Variants in ZNF804B observed in about 807,000 individuals in gnomAD.
ZNF804B encodes the protein zinc finger 804B.
ZNF804B carries 80 observed loss-of-function variants against 101.4 expected under a neutral mutation model. The observed-to-expected ratio is 0.79, with a 90% CI of 0.66 to 0.95. ZNF804B has a LOEUF of 0.95. Among genes scored for constraint, ZNF804B ranks in the 40% least tolerant of loss-of-function variants. The pLI, the probability that ZNF804B is intolerant of heterozygous loss-of-function variation, is 0.00. For missense variants in ZNF804B, 1,673 were observed against 1,561.9 expected (o/e 1.07, Z -1.20); for synonymous variants, 622 against 558.8 (o/e 1.11, Z -1.59).
At chr7:89,022,972 T>G (rs1247145897) in intron 1 of ZNF804B, among the ~76,000 whole-genome samples, 1 of 152,182 alleles carries the variant, frequency 6.6e-6, no homozygotes, top group Non-Finnish European at 1.5e-5. Flanking sequence ...AAAAATAACT[T>G]TCACAGGATT....
chr7:88,998,291 C>A (rs1299474380), intron 1 of ZNF804B, among the ~76,000 whole-genome samples: 1 of 151,996 alleles, frequency 6.6e-6, no homozygotes, highest in Non-Finnish European at 1.5e-5. Context: ...GGGAAGATAT[C>A]TTAAACTGAG....
At chr7:88,997,216 A>C (rs138191514) in intron 1 of ZNF804B, among the ~76,000 whole-genome samples, 23 of 152,162 alleles carry the variant, frequency 1.5e-4, no homozygotes, top group Admixed American at 3.3e-4. Context: ...CATTAAGTTA[A>C]CATCTTTTTT....
intron 1 of ZNF804B, among the ~76,000 whole-genome samples, chr7:89,194,945 G>A (rs184257412): frequency 0.044 from 6,767 of 152,190 alleles, 167 homozygotes; most frequent in African/African-American, 0.061. Flanking sequence ...CTACCCATGA[G>A]CATGGAATGT....
At chr7:89,263,517 G>A (rs1367208986) in intron 2 of ZNF804B, among the ~76,000 whole-genome samples, 2 of 151,836 alleles carry the variant, frequency 1.3e-5, no homozygotes, top group African/African-American at 4.8e-5. Flanking sequence ...ATTCAAGTCT[G>A]CTATGTTGAA....
At chr7:89,074,664 A>G (rs1176751307) in intron 1 of ZNF804B, among the ~76,000 whole-genome samples, 1 of 152,194 alleles carries the variant, frequency 6.6e-6, no homozygotes, top group Non-Finnish European at 1.5e-5. Context: ...AATTGGTACC[A>G]GTAGAGTGGG....
At chr7:89,261,342 A>T (rs926702857) in intron 2 of ZNF804B, among the ~76,000 whole-genome samples, 2 of 152,156 alleles carry the variant, frequency 1.3e-5, no homozygotes, top group African/African-American at 2.4e-5. Context: ...GTGCAACATG[A>T]CATACCTTTT....
chr7:88,778,249 C>T (rs1018415380), intron 1 of ZNF804B, among the ~76,000 whole-genome samples: 5 of 152,160 alleles, frequency 3.3e-5, no homozygotes, highest in Non-Finnish European at 5.9e-5. Flanking sequence ...CTAGAAACTT[C>T]CTCTCATGCT....
At chr7:89,010,642 A>G (rs966967796) in intron 1 of ZNF804B, among the ~76,000 whole-genome samples, 10 of 152,112 alleles carry the variant, frequency 6.6e-5, no homozygotes, top group Non-Finnish European at 1.5e-4. Flanking sequence ...TTTCTGTATT[A>G]TTTACTTTGT....
intron 1 of ZNF804B, among the ~76,000 whole-genome samples, chr7:89,170,810 A>G (rs892831775): frequency 4.6e-5 from 7 of 152,218 alleles, no homozygotes; most frequent in African/African-American, 1.7e-4. Flanking sequence ...CACCAGCAGC[A>G]CACTGCCAAT....
rs767843129 is a variant in ZNF804B at position 88,778,709 on chromosome 7, C to T, written c.108+18625C>T. Among the ~76,000 whole-genome samples, 4 of 152,234 alleles carry T rather than the reference C, an allele frequency of 2.6e-5. No homozygotes were observed. In the East Asian group the frequency reaches 7.7e-4, roughly 29 times the overall value. ...ATTCCTAAATATATCTCCAATCTAC[C>T]CCTACCCTGCACTTCTCTTACCACT... On this transcript the variant is annotated intron_variant, in intron 1 of 3. Transcript: ENST00000333190.
chr7:88,932,200 G>T (rs1792897889), intron 1 of ZNF804B, among the ~76,000 whole-genome samples: 1 of 151,750 alleles, frequency 6.6e-6, no homozygotes, highest in Non-Finnish European at 1.5e-5. Flanking sequence ...ACTTGGCAAG[G>T]TCTGTGCATT....
At chr7:88,856,789 C>CTAGTTTAT (rs1416454324) in intron 1 of ZNF804B, among the ~76,000 whole-genome samples, 1 of 152,070 alleles carries the variant, frequency 6.6e-6, no homozygotes, top group Non-Finnish European at 1.5e-5. Context: ...CCATCAATAC[C>CTAGTTTAT]TAGTTTATTG....
intron 1 of ZNF804B, among the ~76,000 whole-genome samples, chr7:89,038,047 A>G (rs574595385): frequency 1.1e-3 from 164 of 152,290 alleles, no homozygotes; most frequent in Middle Eastern, 3.4e-3. Flanking sequence ...ACACACATGC[A>G]TATCATATTT....
At chr7:88,964,226 C>T (rs1439076883) in intron 1 of ZNF804B, among the ~76,000 whole-genome samples, 2 of 151,364 alleles carry the variant, frequency 1.3e-5, no homozygotes, top group Non-Finnish European at 3.0e-5. Flanking sequence ...GATATTTTTA[C>T]ACCAATTTTC....
chr7:88,832,880 C>G (rs913075317), intron 1 of ZNF804B, among the ~76,000 whole-genome samples: 1 of 151,800 alleles, frequency 6.6e-6, no homozygotes, highest in African/African-American at 2.4e-5. Flanking sequence ...GGCCTGATAG[C>G]CACATTGAAA....
At chr7:89,129,435 C>T (rs954222441) in intron 1 of ZNF804B, among the ~76,000 whole-genome samples, 45 of 151,860 alleles carry the variant, frequency 3.0e-4, no homozygotes, top group African/African-American at 1.1e-3. Context: ...ATTTGGGAAG[C>T]CAGGAAGAAA....
rs1791053038 is a variant in ZNF804B at position 89,334,972 on chromosome 7, G to A, written c.1990G>A (p.Gly664Arg). 1 of 1,613,902 alleles carries A rather than the reference G, an allele frequency of 6.2e-7. No homozygotes were observed. Among genetic ancestry groups the A allele is most frequent in the Non-Finnish European group, 8.5e-7 (1 of 1,179,888 alleles). The change falls in exon 4 of 4, where the codon GGG becomes AGG. Residue 664 changes from glycine to arginine, a missense_variant. Transcript: ENST00000333190. The part of the protein sequence containing the change: ...FNCKSSPCTV[G>R]GHSDHGKDFS... The stretch of plus-strand genomic sequence containing the variant: ...CTGCAAGTCCAGTCCTTGTACAGTA[G>A]GGGGTCACAGTGACCATGGGAAAGA...
intron 2 of ZNF804B, among the ~76,000 whole-genome samples, chr7:89,223,444 T>A (rs1382235233): frequency 6.6e-6 from 1 of 151,886 alleles, no homozygotes; most frequent in Non-Finnish European, 1.5e-5. Flanking sequence ...ATGTGTTTAT[T>A]TTATCACAAA....
intron 2 of ZNF804B, among the ~76,000 whole-genome samples, chr7:89,280,301 A>G (rs992366108): frequency 2.0e-5 from 3 of 151,760 alleles, no homozygotes; most frequent in East Asian, 3.9e-4. Flanking sequence ...CCACAAGAGG[A>G]AGCAGGAAAG....
Sources: allele counts gnomAD v4.1 joint callset (sites outside exome capture counted in the v4.1 genomes callset), GRCh38; gene constraint gnomAD v4.1.1; transcripts MANE v1.5; gene names NCBI Gene and HGNC (gene_info 2026-07-23, HGNC 2026-07-21).